The following LOXHD1 variants were observed in gnomAD, a reference collection of about 807,000 sequenced individuals.
LOXHD1 encodes the protein lipoxygenase homology domain-containing protein 1.
LOXHD1 carries 205 observed loss-of-function variants against 248.2 expected under a neutral mutation model. That is an observed-to-expected ratio of 0.83 (90% CI 0.74 to 0.93). LOXHD1 has a LOEUF of 0.93. Among genes scored for constraint, LOXHD1 ranks in the 40% least tolerant of loss-of-function variants. LOXHD1 has a pLI of 0.00. For missense variants in LOXHD1, 2,930 were observed against 2,971.6 expected, an observed-to-expected ratio of 0.99 and a Z score of 0.33; for synonymous variants, 1,113 against 1,162.8, an observed-to-expected ratio of 0.96 and a Z score of 0.87.
intron 40 of LOXHD1, among the ~76,000 whole-genome samples, chr18:46,483,066 T>A (rs2032716312): frequency 6.6e-6 from 1 of 152,144 alleles, no homozygotes; most frequent in African/African-American, 2.4e-5. Context: ...CTTCCAGAAA[T>A]GTCTGAGTCT....
Position 46,569,476 on chromosome 18 carries a change from T to G in LOXHD1, c.2210A>C (p.Asp737Ala). The G allele has an allele frequency of 6.4e-7, 1 of 1,552,198 alleles. No individual in the cohort carries two copies. The highest frequency in any genetic ancestry group is 8.7e-7 in the Non-Finnish European group (1 of 1,147,098). ...LKDYFERGRV[D>A]EFTLETLNIG... ...GTTCAGGGTCTCGAGGGTGAACTCA[T>G]CCACCCGGCCACGTTCAAAGTAGTC... The change falls in exon 16 of 41, where the codon GAT becomes GCT. Residue 737 changes from aspartate (D) to alanine (A), a missense_variant. Transcript: ENST00000642948.
Position 46,593,492 on chromosome 18 carries a change from G to A in LOXHD1, c.1431+108C>T, listed in dbSNP as rs189555986. 5,539 of 1,270,902 alleles carry A rather than the reference G, an allele frequency of 4.4e-3. 24 individuals are homozygous for A. Among genetic ancestry groups the A allele is most frequent in the Non-Finnish European group, 5.0e-3 (4,670 of 926,110 alleles). The allele number at this position is 1,270,902 out of a possible 1,614,324, so 78.7% of individuals were successfully genotyped here. A position where few individuals can be genotyped will look rare whatever the true frequency, so the allele number is the denominator to read the frequency against. ...CCTAAAATCTCCATCGTACATTTTT[G>A]TCTTCAAACTTGGTCCAAAACCTGG... On this transcript the variant is annotated intron_variant, in intron 10 of 40. Coordinates refer to ENST00000642948, the MANE Select transcript of LOXHD1 (RefSeq NM_001384474.1).
At chr18:46,618,890 C>G (rs2038628100) in intron 4 of LOXHD1, among the ~76,000 whole-genome samples, 1 of 152,200 alleles carries the variant, frequency 6.6e-6, no homozygotes, top group Non-Finnish European at 1.5e-5. Flanking sequence ...AGGGCTCTTT[C>G]AAAGACCTGT....
At chr18:46,529,474 A>G in intron 28 of LOXHD1, 143 bp from the exon 29 acceptor site, 4 of 910,438 alleles carry the variant, frequency 4.4e-6, no homozygotes, top group South Asian at 2.2e-5. Context: ...TGTTTGCTCA[A>G]TTATGCATAC....
intron 27 of LOXHD1, chr18:46,533,603 G>A: frequency 2.5e-6 from 1 of 404,704 alleles, no homozygotes; most frequent in Non-Finnish European, 4.5e-6. Context: ...CAGTGGGTAA[G>A]AGGAGGGGGG....
intron 10 of LOXHD1, 145 bp from the exon 11 acceptor site, chr18:46,592,729 C>A: frequency 8.9e-6 from 6 of 673,128 alleles, no homozygotes; most frequent in Non-Finnish European, 1.6e-5. Flanking sequence ...GCCACCCTCA[C>A]ATATTTTATC....
chr18:46,525,985 G>C (rs964871498), intron 29 of LOXHD1, among the ~76,000 whole-genome samples: 2 of 152,204 alleles, frequency 1.3e-5, no homozygotes, highest in Non-Finnish European at 2.9e-5. Flanking sequence ...CTGCAGCTGG[G>C]GGGCTGGGCT....
chr18:46,510,491 C>G (rs1358133796), intron 34 of LOXHD1, among the ~76,000 whole-genome samples: 1 of 152,202 alleles, frequency 6.6e-6, no homozygotes, highest in Non-Finnish European at 1.5e-5. Flanking sequence ...CCTTACTGCT[C>G]TTCCCACAGT....
intron 37 of LOXHD1, among the ~76,000 whole-genome samples, chr18:46,497,905 G>A (rs2033976211): frequency 6.6e-6 from 1 of 152,182 alleles, no homozygotes; most frequent in African/African-American, 2.4e-5. Context: ...TATAATCATG[G>A]CAGGATGCAC....
At chr18:46,573,223 T>C (rs757154223) in intron 14 of LOXHD1, among the ~76,000 whole-genome samples, 3 of 151,946 alleles carry the variant, frequency 2.0e-5, no homozygotes, top group African/African-American at 4.8e-5. Context: ...TGCGGTTTGA[T>C]AGCTGTGACT....
At chr18:46,577,653 C>T in intron 14 of LOXHD1, 54 bp downstream of exon 14, 2 of 1,523,304 alleles carry the variant, frequency 1.3e-6, no homozygotes, top group South Asian at 2.5e-5. Context: ...CTTCCCAAAA[C>T]ACAGGGATCA....
In LOXHD1 at chr18:46,487,513, C is replaced by T. The variant is rs572060022; in HGVS notation, c.6049+1459G>A. Among the ~76,000 whole-genome samples the T allele has an allele frequency of 5.3e-5, 8 of 152,314 alleles. No homozygotes were observed. The South Asian group carries it at 6.2e-4, about 12-fold the overall frequency. ...TGGACATTTGGATTTTACTGTCTTA[C>T]GTTTCAGGCCCACGGTTTACGCTGA... is the stretch of plus-strand genomic sequence containing the variant. On this transcript the variant is annotated intron_variant, in intron 38 of 40. Transcript: ENST00000642948.
chr18:46,649,486 C>A (rs777005720), intron 1 of LOXHD1, among the ~76,000 whole-genome samples: 7 of 152,180 alleles, frequency 4.6e-5, no homozygotes, highest in African/African-American at 1.7e-4. Context: ...GTTTTGCACA[C>A]GAGGAGGCTG....
intron 14 of LOXHD1, among the ~76,000 whole-genome samples, chr18:46,573,270 C>T (rs1361985910): frequency 2.0e-5 from 3 of 152,100 alleles, no homozygotes; most frequent in Non-Finnish European, 4.4e-5. Context: ...TCCCAGCTCT[C>T]GGCTGGTCAT....
At chr18:46,650,744 T>C (rs1461695407) in intron 1 of LOXHD1, among the ~76,000 whole-genome samples, 2 of 152,186 alleles carry the variant, frequency 1.3e-5, no homozygotes, top group Non-Finnish European at 2.9e-5. Flanking sequence ...CGTGGAGTGT[T>C]GTGTGCTAGG....
intron 4 of LOXHD1, among the ~76,000 whole-genome samples, chr18:46,631,985 C>T (rs1479008467): frequency 6.6e-6 from 1 of 152,158 alleles, no homozygotes; most frequent in African/African-American, 2.4e-5. Flanking sequence ...GTCTGCCAGG[C>T]ACAGGAGCCA....
intron 3 of LOXHD1, among the ~76,000 whole-genome samples, chr18:46,641,415 A>T (rs565698617): frequency 6.6e-6 from 1 of 152,298 alleles, no homozygotes; most frequent in African/African-American, 2.4e-5. Context: ...TTATACCTTC[A>T]CAAGAAGCCC....
intron 1 of LOXHD1, among the ~76,000 whole-genome samples, chr18:46,653,157 G>A (rs1568236500): frequency 6.6e-6 from 1 of 152,176 alleles, no homozygotes; most frequent in Non-Finnish European, 1.5e-5. Context: ...TGAGGCAGGA[G>A]AATTGCTTGA....
At chr18:46,574,381 G>GTACACA (rs2037812480) in intron 14 of LOXHD1, among the ~76,000 whole-genome samples, 2 of 60,846 alleles carry the variant, frequency 3.3e-5, no homozygotes, top group Non-Finnish European at 5.8e-5. Flanking sequence ...GTGTGTGTGT[G>GTACACA]TACACATACA....
Sources: allele counts gnomAD v4.1 joint callset (sites outside exome capture counted in the v4.1 genomes callset), GRCh38; gene constraint gnomAD v4.1.1; transcripts MANE v1.5; gene names NCBI Gene and HGNC (gene_info 2026-07-23, HGNC 2026-07-21).